The following CYP2J2 variants were observed in gnomAD, a reference collection of about 807,000 sequenced individuals.
CYP2J2 encodes the protein cytochrome P450 2J2.
A neutral mutation model predicts 48.8 loss-of-function variants in CYP2J2; 41 were observed. The ratio of observed to expected loss-of-function variants is 0.84; its 90% CI spans 0.66 to 1.09. CYP2J2 has a LOEUF of 1.09. Among genes scored for constraint, CYP2J2 ranks in the 50% least tolerant of loss-of-function variants. CYP2J2 has a pLI of 0.00. For synonymous variants in CYP2J2, 221 were observed against 227.1 expected (o/e 0.97, Z 0.24); for missense variants, 644 against 617.3 (o/e 1.04, Z -0.46).
Position 59,926,614 on chromosome 1 carries a change from G to T in CYP2J2, c.133C>A (p.Pro45Thr). Residue 45 changes from proline (P) to threonine (T), a missense_variant, in exon 1 of 9, where the codon CCG (proline) becomes ACG (threonine). Pro to Thr is a conservative substitution (Grantham distance 38). Coordinates refer to ENST00000371204, the MANE Select transcript of CYP2J2 (RefSeq NM_000775.4). Reference sequence around the variant, plus strand: ...AGGAAGGGCAGGCGCCAGGGCCCCGGCGGGTAGTTCTTTGGGCGCCGTCTT... The same window carrying T: ...AGGAAGGGCAGGCGCCAGGGCCCCGTCGGGTAGTTCTTTGGGCGCCGTCTT... ...LKRRRPKNYP[P>T]GPWRLPFLGN... 6.2e-7 allele frequency: 1 copy of T among 1,614,212 alleles called. No homozygotes were observed. Among genetic ancestry groups the T allele is most frequent in the Non-Finnish European group, 8.5e-7 (1 of 1,180,026 alleles).
chr1:59,918,244 G>A, intron 1 of CYP2J2, among the ~76,000 whole-genome samples: 1 of 152,116 alleles, frequency 6.6e-6, no homozygotes, highest in East Asian at 1.9e-4. Context: ...TGACAAGAAG[G>A]ATTTCTTGAC....
the CYP2J2 span, among the ~76,000 whole-genome samples, chr1:59,935,819 G>A: frequency 6.6e-6 from 1 of 152,152 alleles, no homozygotes; most frequent in Non-Finnish European, 1.5e-5. Flanking sequence ...TGTCACCCAG[G>A]CTGAAGTGCA....
intron 5 of CYP2J2, among the ~76,000 whole-genome samples, chr1:59,909,207 C>T (rs937217487): frequency 2.0e-5 from 3 of 152,102 alleles, no homozygotes; most frequent in Non-Finnish European, 4.4e-5. Flanking sequence ...TGAAATATTG[C>T]CCCTATTTTT....
At chr1:59,935,583 C>T in the CYP2J2 span, among the ~76,000 whole-genome samples, 238 of 151,722 alleles carry the variant, frequency 1.6e-3, no homozygotes, top group African/African-American at 5.4e-3. Flanking sequence ...AAAGATAACC[C>T]AAAAGAAAAG....
At chr1:59,914,687 C>T (rs1474385853) in intron 2 of CYP2J2, among the ~76,000 whole-genome samples, 2 of 152,210 alleles carry the variant, frequency 1.3e-5, no homozygotes, top group Admixed American at 1.3e-4. Context: ...GGACCTCTCC[C>T]CTGGAAGCCG....
the CYP2J2 span, among the ~76,000 whole-genome samples, chr1:59,938,963 CGTA>C: frequency 1.3e-5 from 2 of 152,184 alleles, no homozygotes; most frequent in African/African-American, 4.8e-5. Context: ...CCTGCATAGC[CGTA>C]GATCCCTTAA....
At chr1:59,910,521 A>G (rs1355413971) in intron 4 of CYP2J2, among the ~76,000 whole-genome samples, 1 of 152,206 alleles carries the variant, frequency 6.6e-6, no homozygotes, top group Non-Finnish European at 1.5e-5. Context: ...TGTAATTTTC[A>G]AAAATAAAGT....
At chr1:59,950,957 A>G in the CYP2J2 span, among the ~76,000 whole-genome samples, 1 of 152,218 alleles carries the variant, frequency 6.6e-6, no homozygotes, top group East Asian at 1.9e-4. Context: ...AGCCTGGACC[A>G]GCATAGCACC....
the CYP2J2 span, among the ~76,000 whole-genome samples, chr1:59,947,278 G>A: frequency 6.6e-6 from 1 of 152,198 alleles, no homozygotes; most frequent in Non-Finnish European, 1.5e-5. Flanking sequence ...AATGTCATCT[G>A]TGTAGTTTGA....
chr1:59,933,975 C>T, the CYP2J2 span, among the ~76,000 whole-genome samples: 3 of 152,196 alleles, frequency 2.0e-5, no homozygotes, highest in East Asian at 5.8e-4. Flanking sequence ...ACAAAACTTT[C>T]CTAATTCCAA....
At chr1:59,897,776 A>C (rs1644282265) in intron 8 of CYP2J2, among the ~76,000 whole-genome samples, 1 of 152,198 alleles carries the variant, frequency 6.6e-6, no homozygotes, top group South Asian at 2.1e-4. Flanking sequence ...TGCAATAAAA[A>C]CTTTGAAACC....
At chr1:59,951,373 A>G in the CYP2J2 span, among the ~76,000 whole-genome samples, 2 of 152,194 alleles carry the variant, frequency 1.3e-5, no homozygotes, top group South Asian at 4.1e-4. Context: ...TAAGCTTGAA[A>G]TAGTCCTACA....
At chr1:59,945,502 C>T in the CYP2J2 span, among the ~76,000 whole-genome samples, 2 of 152,008 alleles carry the variant, frequency 1.3e-5, no homozygotes, top group African/African-American at 4.8e-5. Context: ...CTATTTGGGG[C>T]CTCCATGGGC....
At chr1:59,946,427 C>G in the CYP2J2 span, among the ~76,000 whole-genome samples, 1 of 152,156 alleles carries the variant, frequency 6.6e-6, no homozygotes, top group Non-Finnish European at 1.5e-5. Flanking sequence ...TCCTTTCTTT[C>G]CTACTTTATT....
At chr1:59,905,104 T>G in intron 6 of CYP2J2, 46 bp from the exon 7 acceptor site, 2 of 1,577,084 alleles carry the variant, frequency 1.3e-6, no homozygotes, top group Non-Finnish European at 1.7e-6. Context: ...CTTTTATGCT[T>G]TATTATAAAG....
intron 8 of CYP2J2, among the ~76,000 whole-genome samples, chr1:59,894,157 A>T (rs1486691436): frequency 6.6e-6 from 1 of 152,234 alleles, no homozygotes; most frequent in Non-Finnish European, 1.5e-5. Context: ...CTTTAAAAAA[A>T]TCATTTAACA....
the CYP2J2 span, among the ~76,000 whole-genome samples, chr1:59,943,198 C>T: frequency 2.6e-5 from 4 of 151,958 alleles, no homozygotes; most frequent in African/African-American, 7.3e-5. Flanking sequence ...CAGGACTGGA[C>T]GAAATCACCT....
At chr1:59,923,228 G>A (rs1427041563) in intron 1 of CYP2J2, among the ~76,000 whole-genome samples, 3 of 152,246 alleles carry the variant, frequency 2.0e-5, no homozygotes, top group East Asian at 3.8e-4. Context: ...TCCTGTGGGA[G>A]TGGGTAATAA....
the CYP2J2 span, among the ~76,000 whole-genome samples, chr1:59,967,594 G>A: frequency 6.6e-6 from 1 of 152,144 alleles, no homozygotes; most frequent in Admixed American, 6.5e-5. Flanking sequence ...GTCTTTCTGA[G>A]CATATATCCC....
Sources: allele counts gnomAD v4.1 joint callset (sites outside exome capture counted in the v4.1 genomes callset), GRCh38; gene constraint gnomAD v4.1.1; transcripts MANE v1.5; gene names NCBI Gene and HGNC (gene_info 2026-07-23, HGNC 2026-07-21).